Variants in LRRTM4 observed in about 807,000 individuals in gnomAD.
The protein encoded by LRRTM4 is leucine-rich repeat transmembrane neuronal protein 4.
In LRRTM4, 25 loss-of-function variants were observed where a neutral mutation model predicts 47.6. That is an observed-to-expected ratio of 0.53 (90% CI 0.38 to 0.73). The LOEUF (loss-of-function observed/expected upper bound fraction) is 0.73. Ranked by LOEUF, LRRTM4 falls within the 30% of genes least tolerant of loss-of-function variation. The probability of loss-of-function intolerance (pLI) is 0.00; values close to 1 mark genes in which losing one functional copy is unlikely to be tolerated. For synonymous variants in LRRTM4, 311 were observed against 269.5 expected (o/e 1.15, Z -1.51); for missense variants, 638 against 713.4 (o/e 0.89, Z 1.20).
chr2:76,931,210 C>A (rs1272219809), intron 3 of LRRTM4, among the ~76,000 whole-genome samples: 1 of 152,128 alleles, frequency 6.6e-6, no homozygotes, highest in East Asian at 1.9e-4. Context: ...GTTGATATAT[C>A]TGATTTCCAT....
chr2:77,053,794 AAG>A (rs1429666186), intron 3 of LRRTM4, among the ~76,000 whole-genome samples: 25 of 152,214 alleles, frequency 1.6e-4, no homozygotes, highest in African/African-American at 5.8e-4. Context: ...TTTGAGCTAA[AAG>A]AGATTTATAT....
chr2:76,812,072 T>C (rs772893053), intron 3 of LRRTM4, among the ~76,000 whole-genome samples: 51 of 152,268 alleles, frequency 3.3e-4, no homozygotes, highest in Non-Finnish European at 5.7e-4. Context: ...TAACTTATAC[T>C]CCTTTTGATA....
chr2:77,158,491 A>G (rs1479297902), intron 3 of LRRTM4, among the ~76,000 whole-genome samples: 1 of 151,990 alleles, frequency 6.6e-6, no homozygotes, highest in Admixed American at 6.6e-5. Context: ...CAGTGACAGC[A>G]CTTGTGTTTT....
intron 3 of LRRTM4, among the ~76,000 whole-genome samples, chr2:77,163,640 G>C (rs1672794469): frequency 6.6e-6 from 1 of 151,682 alleles, no homozygotes; most frequent in Non-Finnish European, 1.5e-5. Context: ...ACAGAAGAGA[G>C]TGGGGGCCAA....
At chr2:77,032,131 G>A (rs77392288) in intron 3 of LRRTM4, among the ~76,000 whole-genome samples, 2,737 of 152,040 alleles carry the variant, frequency 0.018, 72 homozygotes, top group African/African-American at 0.062. Context: ...CTATCCTTGC[G>A]CTTTCCACCT....
chr2:76,891,773 C>G (rs1673262729), intron 3 of LRRTM4, among the ~76,000 whole-genome samples: 1 of 151,604 alleles, frequency 6.6e-6, no homozygotes, highest in African/African-American at 2.4e-5. Context: ...TAGAGGAAAA[C>G]ATAGATGAAT....
chr2:77,203,661 C>T (rs940674710), intron 3 of LRRTM4, among the ~76,000 whole-genome samples: 8 of 152,074 alleles, frequency 5.3e-5, no homozygotes, highest in Non-Finnish European at 8.8e-5. Flanking sequence ...AATGATAAAG[C>T]CTTTAAGCTC....
At chr2:76,851,319 C>T (rs912588843) in intron 3 of LRRTM4, among the ~76,000 whole-genome samples, 8 of 152,260 alleles carry the variant, frequency 5.3e-5, no homozygotes, top group Middle Eastern at 3.4e-3. Context: ...GCCATTCAAG[C>T]TGAAAAGCTT....
chr2:76,802,987 C>G (rs1294617886), intron 3 of LRRTM4, among the ~76,000 whole-genome samples: 1 of 152,032 alleles, frequency 6.6e-6, no homozygotes, highest in African/African-American at 2.4e-5. Context: ...GGACCTGATA[C>G]TATAAAACAA....
At chr2:77,094,642 A>G (rs931937492) in intron 3 of LRRTM4, among the ~76,000 whole-genome samples, 2 of 152,240 alleles carry the variant, frequency 1.3e-5, no homozygotes, top group Non-Finnish European at 2.9e-5. Flanking sequence ...TTTGTGGTCA[A>G]TTGATTTTTT....
intron 3 of LRRTM4, among the ~76,000 whole-genome samples, chr2:76,944,856 T>G (rs1675270832): frequency 6.6e-6 from 1 of 151,972 alleles, no homozygotes; most frequent in Admixed American, 6.6e-5. Context: ...ATCAGAATAA[T>G]CTATTTGTAA....
chr2:76,964,113 T>G, intron 3 of LRRTM4, among the ~76,000 whole-genome samples: 1 of 151,088 alleles, frequency 6.6e-6, no homozygotes, highest in East Asian at 2.0e-4. Flanking sequence ...AATTCTAAAA[T>G]AAAAATGAGC....
At chr2:77,057,576 T>A (rs1356393195) in intron 3 of LRRTM4, among the ~76,000 whole-genome samples, 19 of 152,220 alleles carry the variant, frequency 1.2e-4, no homozygotes, top group Non-Finnish European at 8.8e-5. Flanking sequence ...CTCTTTTGAT[T>A]TCAAGAAATT....
intron 3 of LRRTM4, among the ~76,000 whole-genome samples, chr2:77,412,855 T>C (rs1558731807): frequency 6.6e-6 from 1 of 152,206 alleles, no homozygotes; most frequent in Non-Finnish European, 1.5e-5. Context: ...CTTTCTACCA[T>C]CTAATTTTTG....
chr2:77,100,550 C>A (rs1364247973), intron 3 of LRRTM4, among the ~76,000 whole-genome samples: 1 of 152,002 alleles, frequency 6.6e-6, no homozygotes, highest in Non-Finnish European at 1.5e-5. Context: ...GGACACATAA[C>A]CTGGATTCTT....
chr2:77,148,263 G>GT (rs1672312048), intron 3 of LRRTM4, among the ~76,000 whole-genome samples: 1 of 152,134 alleles, frequency 6.6e-6, no homozygotes, highest in Non-Finnish European at 1.5e-5. Context: ...AATGCCTTGG[G>GT]TGTCTTGCAA....
chr2:77,084,790 T>C (rs1457882257), intron 3 of LRRTM4, among the ~76,000 whole-genome samples: 3 of 152,176 alleles, frequency 2.0e-5, no homozygotes, highest in Non-Finnish European at 2.9e-5. Context: ...GGGCTCTGCA[T>C]AGATGAAGAT....
At chr2:77,175,780 C>G (rs1673178992) in intron 3 of LRRTM4, among the ~76,000 whole-genome samples, 2 of 150,848 alleles carry the variant, frequency 1.3e-5, no homozygotes, top group South Asian at 4.2e-4. Flanking sequence ...TTTGTCACCC[C>G]CACACCCGAT....
At chr2:76,791,299 A>C (rs966157726) in intron 3 of LRRTM4, among the ~76,000 whole-genome samples, 3 of 152,222 alleles carry the variant, frequency 2.0e-5, no homozygotes, top group African/African-American at 7.2e-5. Context: ...TATTTCAATA[A>C]TATTGGGAAC....
Sources: gnomAD v4.1 joint callset for allele counts (sites outside exome capture counted in the v4.1 genomes callset) on GRCh38, gnomAD v4.1.1 for gene constraint, MANE v1.5 for transcripts, NCBI Gene and HGNC (gene_info 2026-07-23, HGNC 2026-07-21) for gene names.